Variants in METTL25 observed in about 807,000 individuals in gnomAD.
METTL25 encodes probable methyltransferase-like protein 25.
Under a neutral mutation model 71.6 loss-of-function variants are expected in METTL25, and 64 were observed. That is an observed-to-expected ratio of 0.89 (90% CI 0.73 to 1.10). The LOEUF is 1.10. Ranked by LOEUF, METTL25 falls within the 50% of genes least tolerant of loss-of-function variation. METTL25 has a pLI of 0.00. For missense variants in METTL25, 807 were observed against 707.0 expected, an observed-to-expected ratio of 1.14 and a Z score of -1.60; for synonymous variants, 287 against 250.3, an observed-to-expected ratio of 1.15 and a Z score of -1.38.
At chr12:82,401,173 T>G (rs1437188448) in intron 4 of METTL25, among the ~76,000 whole-genome samples, 1 of 152,120 alleles carries the variant, frequency 6.6e-6, no homozygotes, top group East Asian at 1.9e-4. Context: ...GGCGTAATTT[T>G]TTTTTTAGTA....
At chr12:82,430,550 A>G (rs1402898774) in intron 5 of METTL25, among the ~76,000 whole-genome samples, 1 of 151,704 alleles carries the variant, frequency 6.6e-6, no homozygotes, top group Non-Finnish European at 1.5e-5. Context: ...CAGACCAACA[A>G]TAAATTTTCA....
At chr12:82,441,838 A>G (rs1890369177) in intron 8 of METTL25, among the ~76,000 whole-genome samples, 1 of 44,246 alleles carries the variant, frequency 2.3e-5, no homozygotes, top group African/African-American at 8.5e-5. Context: ...CACACAGAAA[A>G]ACCTGTGACT....
At chr12:82,386,759 C>T (rs1396355880) in intron 1 of METTL25, 44 bp from the exon 2 acceptor site, 2 of 1,429,990 alleles carry the variant, frequency 1.4e-6, no homozygotes, top group Non-Finnish European at 2.0e-6. Context: ...CACTAATTAA[C>T]CATTAATTAT....
intron 1 of METTL25, among the ~76,000 whole-genome samples, chr12:82,361,062 A>G (rs1881797066): frequency 6.6e-6 from 1 of 152,120 alleles, no homozygotes; most frequent in Non-Finnish European, 1.5e-5. Context: ...TGGCGCCAGC[A>G]GTCTGCTTTT....
intron 9 of METTL25, among the ~76,000 whole-genome samples, chr12:82,475,903 C>G (rs1276978073): frequency 6.6e-6 from 1 of 151,954 alleles, no homozygotes; most frequent in Non-Finnish European, 1.5e-5. Context: ...CTGAAATGCT[C>G]CAATGAGCAT....
intron 5 of METTL25, among the ~76,000 whole-genome samples, chr12:82,424,084 C>T (rs1456634442): frequency 6.6e-6 from 1 of 152,134 alleles, no homozygotes; most frequent in Non-Finnish European, 1.5e-5. Context: ...GACACATGCA[C>T]ACATATGTTT....
chr12:82,358,707 G>C lies in METTL25; in HGVS notation c.142G>C (p.Glu48Gln). ...GGATTTCTACACAGAATCCGTGTGGGAGGAGCTGGTCGACTTGCCACCGGA... is the reference window on the plus strand; with the variant it reads ...GGATTTCTACACAGAATCCGTGTGGCAGGAGCTGGTCGACTTGCCACCGGA... ...TVDFYTESVWEELVDLPPETV... is the reference protein window; with the variant it reads ...TVDFYTESVWQELVDLPPETV... The change falls in exon 1 of 12, where the codon GAG (glutamate) becomes CAG (glutamine). Residue 48 changes from glutamate to glutamine, a missense_variant. Coordinates refer to ENST00000248306, the MANE Select transcript of METTL25 (RefSeq NM_032230.3). 2 of 1,614,192 alleles carry C rather than the reference G, an allele frequency of 1.2e-6. No homozygotes were observed. Among genetic ancestry groups the C allele is most frequent in the Non-Finnish European group, 1.7e-6 (2 of 1,180,048 alleles).
intron 8 of METTL25, among the ~76,000 whole-genome samples, chr12:82,442,492 C>G (rs1463463707): frequency 1.3e-5 from 2 of 152,042 alleles, no homozygotes; most frequent in African/African-American, 4.8e-5. Flanking sequence ...GGTTATATAC[C>G]ATATGATTCT....
chr12:82,398,759 A>G (rs1276290970), intron 3 of METTL25, 36 bp from the exon 4 acceptor site: 15 of 1,380,616 alleles, frequency 1.1e-5, no homozygotes, highest in Non-Finnish European at 1.3e-5. Flanking sequence ...CCATTTGCCT[A>G]AAATTCTTTA....
chr12:82,373,005 G>C (rs1274330073), intron 1 of METTL25, among the ~76,000 whole-genome samples: 1 of 152,150 alleles, frequency 6.6e-6, no homozygotes, highest in East Asian at 1.9e-4. Flanking sequence ...CGGATTTAGT[G>C]GCCCTTACCG....
At chr12:82,388,122 AG>A (rs1885227220) in intron 2 of METTL25, among the ~76,000 whole-genome samples, 1 of 151,970 alleles carries the variant, frequency 6.6e-6, no homozygotes, top group Non-Finnish European at 1.5e-5. Flanking sequence ...CATTAGATTC[AG>A]GTTATGCATT....
At chr12:82,389,378 CTG>C (rs1885359439) in intron 2 of METTL25, among the ~76,000 whole-genome samples, 1 of 152,048 alleles carries the variant, frequency 6.6e-6, no homozygotes, top group Non-Finnish European at 1.5e-5. Flanking sequence ...AATGAAATGA[CTG>C]TTTAAGTTTT....
At chr12:82,367,972 G>A (rs1241019498) in intron 1 of METTL25, among the ~76,000 whole-genome samples, 1 of 152,018 alleles carries the variant, frequency 6.6e-6, no homozygotes, top group Non-Finnish European at 1.5e-5. Flanking sequence ...TGAAAAATGG[G>A]AATCCTAATT....
At chr12:82,439,029 A>G (rs1486438511) in intron 8 of METTL25, 1 of 292,344 alleles carries the variant, frequency 3.4e-6, no homozygotes, top group Admixed American at 5.1e-5. Flanking sequence ...TAATCTATGT[A>G]AAATGTACTT....
At chr12:82,435,727 A>G (rs920021172) in intron 7 of METTL25, among the ~76,000 whole-genome samples, 2 of 151,462 alleles carry the variant, frequency 1.3e-5, no homozygotes, top group African/African-American at 4.8e-5. Context: ...GGTTGTTAGG[A>G]TGAAGTGAAT....
chr12:82,478,898 T>A, intron 11 of METTL25, 34 bp from the exon 12 acceptor site: 1 of 1,542,500 alleles, frequency 6.5e-7, no homozygotes, highest in African/African-American at 1.4e-5. Context: ...CTTCAACAAA[T>A]GGTTGTATAT....
At chr12:82,419,495 G>T (rs1357056138) in intron 5 of METTL25, among the ~76,000 whole-genome samples, 1 of 152,056 alleles carries the variant, frequency 6.6e-6, no homozygotes, top group Non-Finnish European at 1.5e-5. Context: ...ATAAGGGGCT[G>T]CTTTTAAAGT....
intron 5 of METTL25, among the ~76,000 whole-genome samples, chr12:82,427,978 C>T (rs182540040): frequency 1.3e-5 from 2 of 151,988 alleles, no homozygotes; most frequent in East Asian, 3.9e-4. Flanking sequence ...AGCTTTGTAC[C>T]AAAAAGTCTT....
At chr12:82,442,516 CT>C (rs1890427657) in intron 8 of METTL25, among the ~76,000 whole-genome samples, 1 of 152,108 alleles carries the variant, frequency 6.6e-6, no homozygotes, top group African/African-American at 2.4e-5. Flanking sequence ...TATATACATT[CT>C]TGAAATGACA....
Sources: gnomAD v4.1 joint callset for allele counts (sites outside exome capture counted in the v4.1 genomes callset) on GRCh38, gnomAD v4.1.1 for gene constraint, MANE v1.5 for transcripts, NCBI Gene and HGNC (gene_info 2026-07-23, HGNC 2026-07-21) for gene names.